Variants in DACH1 observed in about 807,000 individuals in gnomAD.
DACH1 encodes dachshund homolog 1.
A neutral mutation model predicts 54.2 loss-of-function variants in DACH1; 12 were observed. The ratio of observed to expected loss-of-function variants is 0.22; its 90% CI spans 0.14 to 0.36. The LOEUF (loss-of-function observed/expected upper bound fraction) is 0.36, where lower values mean the gene tolerates loss of function less well. Among genes scored for constraint, DACH1 ranks in the 10% least tolerant of loss-of-function variants. The probability of loss-of-function intolerance (pLI) is 1.00; values close to 1 mark genes in which losing one functional copy is unlikely to be tolerated. For missense variants in DACH1, 805 were observed against 929.8 expected, an observed-to-expected ratio of 0.87 and a Z score of 1.75; for synonymous variants, 386 against 366.2, an observed-to-expected ratio of 1.05 and a Z score of -0.62.
At chr13:71,682,530 T>C (rs1459504793) in intron 1 of DACH1, among the ~76,000 whole-genome samples, 2 of 152,170 alleles carry the variant, frequency 1.3e-5, no homozygotes, top group Admixed American at 6.5e-5. Flanking sequence ...TGTGAAAAGG[T>C]CTTGCAATTT....
At chr13:71,534,953 A>G (rs962266375) in intron 6 of DACH1, among the ~76,000 whole-genome samples, 47 of 151,916 alleles carry the variant, frequency 3.1e-4, no homozygotes, top group Non-Finnish European at 4.3e-4. Flanking sequence ...ATGTAATTTT[A>G]TTTTCATATG....
In DACH1 at chr13:71,478,027, G is replaced by A. The variant is rs114815132; in HGVS notation, c.1870+1142C>T. Among the ~76,000 whole-genome samples the A allele has an allele frequency of 4.7e-3, 719 of 152,212 alleles. 3 individuals carry two copies. The highest frequency in any genetic ancestry group is 0.016 in the African/African-American group (679 of 41,510). On this transcript the variant is annotated intron_variant, in intron 8 of 10. Coordinates refer to ENST00000613252, the MANE Select transcript of DACH1 (RefSeq NM_080759.6). ...TGAAGGTCTCTCCAGTAACCAAAGG[G>A]TTACTTTAGGAATCCCCGGGCCTGC...
At chr13:71,799,576 T>A (rs1356715082) in intron 1 of DACH1, among the ~76,000 whole-genome samples, 1 of 152,046 alleles carries the variant, frequency 6.6e-6, no homozygotes, top group Non-Finnish European at 1.5e-5. Context: ...CCGAGACAGA[T>A]AGCACATACC....
rs1882937157 is a variant in DACH1, at chr13:71,715,754, A to C, written c.849-33844T>G. ...CTCGGGGAACAATTAATGGGCTCTGAAAAATAATTTTCTTCAGTTGTTTCT... is the reference window on the plus strand; with the variant it reads ...CTCGGGGAACAATTAATGGGCTCTGCAAAATAATTTTCTTCAGTTGTTTCT... On this transcript the variant is annotated intron_variant, in intron 1 of 10. Coordinates refer to ENST00000613252, the MANE Select transcript of DACH1 (RefSeq NM_080759.6). 5.9e-5 allele frequency among the ~76,000 whole-genome samples: 9 copies of C among 152,164 alleles called. No individual in the cohort carries two copies. The South Asian group carries it at 1.9e-3, about 32-fold the overall frequency.
chr13:71,794,628 G>C (rs948884314), intron 1 of DACH1, among the ~76,000 whole-genome samples: 2 of 152,076 alleles, frequency 1.3e-5, no homozygotes, highest in Non-Finnish European at 2.9e-5. Context: ...AGTAGAGATG[G>C]GGTTTCACCA....
chr13:71,472,765 C>A (rs1416797006), intron 10 of DACH1, among the ~76,000 whole-genome samples: 1 of 152,148 alleles, frequency 6.6e-6, no homozygotes, highest in African/African-American at 2.4e-5. Flanking sequence ...ATGACATAGA[C>A]CGTTTCACAA....
intron 4 of DACH1, among the ~76,000 whole-genome samples, chr13:71,568,235 A>C (rs1012618565): frequency 1.1e-4 from 17 of 152,064 alleles, no homozygotes; most frequent in African/African-American, 4.1e-4. Flanking sequence ...AGATGAAGAA[A>C]AACTGGCTTA....
intron 6 of DACH1, among the ~76,000 whole-genome samples, chr13:71,510,454 T>C (rs1398688763): frequency 6.6e-6 from 1 of 151,966 alleles, no homozygotes; most frequent in Non-Finnish European, 1.5e-5. Flanking sequence ...CCTCCTCCTA[T>C]CATTTTGTTA....
chr13:71,748,926 T>C (rs944726179), intron 1 of DACH1, among the ~76,000 whole-genome samples: 1,618 of 45,596 alleles, frequency 0.035, 98 homozygotes, highest in African/African-American at 0.069. Context: ...CTTTCTTTCT[T>C]TCTTTCTTTC....
chr13:71,854,280 G>A (rs1480899687), intron 1 of DACH1, among the ~76,000 whole-genome samples: 3 of 151,590 alleles, frequency 2.0e-5, no homozygotes, highest in South Asian at 2.1e-4. Context: ...ATGGTAAAAT[G>A]TTTCTATTTC....
Position 71,463,862 on chromosome 13 carries a change from C to T in DACH1, c.2083+11279G>A, listed in dbSNP as rs148136712. ...TCCATTCCTCCTCAGTTCCCTTGAACGTATACTATTTGGCACTTGATGAGA... is the reference window on the plus strand; with the variant it reads ...TCCATTCCTCCTCAGTTCCCTTGAATGTATACTATTTGGCACTTGATGAGA... On this transcript the variant is annotated intron_variant, in intron 10 of 10. Coordinates refer to ENST00000613252, the MANE Select transcript of DACH1 (RefSeq NM_080759.6). 4.7e-3 allele frequency among the ~76,000 whole-genome samples: 713 copies of T among 151,986 alleles called. 4 individuals carry two copies. Among genetic ancestry groups the T allele is most frequent in the Non-Finnish European group, 7.6e-3 (515 of 67,880 alleles).
chr13:71,762,177 T>C (rs1011885116), intron 1 of DACH1, among the ~76,000 whole-genome samples: 10 of 152,114 alleles, frequency 6.6e-5, no homozygotes, highest in African/African-American at 1.7e-4. Context: ...TGTATACAAA[T>C]GCACTATCAG....
chr13:71,619,668 A>G (rs960525890), intron 3 of DACH1, among the ~76,000 whole-genome samples: 19 of 151,976 alleles, frequency 1.3e-4, no homozygotes, highest in Non-Finnish European at 1.2e-4. Context: ...TATATTCAGT[A>G]AATTCAGTTT....
At chr13:71,483,408 A>T (rs1878221840) in intron 7 of DACH1, among the ~76,000 whole-genome samples, 1 of 147,222 alleles carries the variant, frequency 6.8e-6, no homozygotes, top group Non-Finnish European at 1.5e-5. Context: ...GATTAAATTT[A>T]ATGTTACAGT....
chr13:71,582,581 G>T (rs1358826265), intron 3 of DACH1, among the ~76,000 whole-genome samples: 1 of 152,056 alleles, frequency 6.6e-6, no homozygotes, highest in Non-Finnish European at 1.5e-5. Context: ...TTAAAAACAT[G>T]GAGATGGCTG....
chr13:71,610,081 C>G lies in DACH1; in HGVS notation c.1126+20475G>C, dbSNP rs964148596. Among the ~76,000 whole-genome samples, 5 of 151,828 alleles carry G rather than the reference C, an allele frequency of 3.3e-5. No homozygotes were observed. In the East Asian group the frequency reaches 9.7e-4, roughly 29 times the overall value. On this transcript the variant is annotated intron_variant, in intron 3 of 10. Transcript: ENST00000613252. Reference sequence around the variant, plus strand: ...ATACAAAACTGTAAAATAAAAGAGGCAAACTACACTGATAGAAAAAAAAAA... The same window carrying G: ...ATACAAAACTGTAAAATAAAAGAGGGAAACTACACTGATAGAAAAAAAAAA...
At chr13:71,599,851 A>G (rs1040054728) in intron 3 of DACH1, among the ~76,000 whole-genome samples, 6 of 151,314 alleles carry the variant, frequency 4.0e-5, no homozygotes, top group Admixed American at 2.6e-4. Context: ...ACACACACAC[A>G]CACGCACACA....
intron 6 of DACH1, among the ~76,000 whole-genome samples, chr13:71,509,101 T>C (rs995091055): frequency 3.9e-5 from 6 of 152,162 alleles, no homozygotes. Context: ...GCATTGCTTT[T>C]GACTGATCTT....
At chr13:71,567,324 GA>G (rs34930791) in intron 4 of DACH1, among the ~76,000 whole-genome samples, 1 of 151,970 alleles carries the variant, frequency 6.6e-6, no homozygotes, top group African/African-American at 2.4e-5. Flanking sequence ...TGTTATCTCT[GA>G]AAAAAATCTT....
Sources: gnomAD v4.1 joint callset for allele counts (sites outside exome capture counted in the v4.1 genomes callset) on GRCh38, gnomAD v4.1.1 for gene constraint, MANE v1.5 for transcripts, NCBI Gene and HGNC (gene_info 2026-07-23, HGNC 2026-07-21) for gene names.